The following MTHFD1 variants were observed in gnomAD, a reference collection of about 807,000 sequenced individuals.
MTHFD1 encodes C-1-tetrahydrofolate synthase, cytoplasmic.
Under a neutral mutation model 110.3 loss-of-function variants are expected in MTHFD1, and 44 were observed. The ratio of observed to expected loss-of-function variants is 0.40; its 90% CI spans 0.31 to 0.51. The LOEUF is 0.51. MTHFD1 is among the 20% of genes least tolerant of loss of function. The pLI is 0.60. For missense variants in MTHFD1, 909 were observed against 1,173.1 expected (o/e 0.77, Z 3.29); for synonymous variants, 402 against 428.8 (o/e 0.94, Z 0.77).
chr14:64,395,691 G>C (rs1242230273), intron 1 of MTHFD1, among the ~76,000 whole-genome samples: 1 of 152,152 alleles, frequency 6.6e-6, no homozygotes, highest in Non-Finnish European at 1.5e-5. Flanking sequence ...CTTTTGGGTT[G>C]TCATATGGGG....
At chr14:64,458,170 T>C in intron 26 of MTHFD1, 44 bp from the exon 27 acceptor site, 1 of 1,455,222 alleles carries the variant, frequency 6.9e-7, no homozygotes, top group South Asian at 1.1e-5. Context: ...CGTGAGCCAC[T>C]GTGCCCAGCA....
chr14:64,449,388 A>T (rs2078335312), intron 23 of MTHFD1, 57 bp from the exon 24 acceptor site: 1 of 1,587,610 alleles, frequency 6.3e-7, no homozygotes, highest in Non-Finnish European at 8.6e-7. Context: ...CAAAAAGAAG[A>T]CAATTCTGTC....
At chr14:64,456,720 C>T (rs2078480562) in intron 26 of MTHFD1, among the ~76,000 whole-genome samples, 2 of 152,184 alleles carry the variant, frequency 1.3e-5, no homozygotes, top group South Asian at 4.1e-4. Flanking sequence ...ACCTCTTACA[C>T]AATATAAGAA....
intron 26 of MTHFD1, among the ~76,000 whole-genome samples, chr14:64,455,526 A>G (rs1408051329): frequency 2.0e-5 from 3 of 152,216 alleles, no homozygotes; most frequent in African/African-American, 7.2e-5. Context: ...TTGGGCTGAC[A>G]TTGTTCCAAG....
At position 64,453,955 on chromosome 14, in the gene MTHFD1, T is replaced by TGCTTCACTTCTCTGGGTG. The variant is rs2078421856; in HGVS notation, c.2565+97_2565+114dup. 4 of 774,056 alleles carry TGCTTCACTTCTCTGGGTG rather than the reference T, an allele frequency of 5.2e-6. No homozygotes were observed. The East Asian group carries it at 1.1e-4, about 21-fold the overall frequency. The allele number at this position is 774,056 out of a possible 1,614,324, so 47.9% of individuals were successfully genotyped here. ...CCTCCCAGCCCTGCCAAGTACCCGT[T>TGCTTCACTTCTCTGGGTG]GCTTCACTTCTCTGGGTGGCAGCCT... On this transcript the variant is annotated intron_variant, in intron 25 of 27. Coordinates refer to ENST00000652337, the MANE Select transcript of MTHFD1 (RefSeq NM_005956.4).
intron 17 of MTHFD1, chr14:64,439,390 T>A (rs1417248252): frequency 1.7e-6 from 1 of 585,730 alleles, no homozygotes; most frequent in Non-Finnish European, 3.1e-6. Context: ...CCGGCATTTT[T>A]TCCTGGAGGT....
In MTHFD1 at chr14:64,459,975, T is replaced by C; in HGVS notation, c.*221T>C. ...TGCATGTCTGTTTACTTTAGTGACG[T>C]TCCACAGAATAAAAGGAAACAAGTT... On this transcript the variant is annotated 3_prime_UTR_variant, in exon 28 of 28. Transcript: ENST00000652337. 6.8e-7 allele frequency: 1 copy of C among 1,480,312 alleles called. No homozygotes were observed. The highest frequency in any genetic ancestry group is 9.1e-7 in the Non-Finnish European group (1 of 1,099,998). The allele number at this position is 1,480,312 out of a possible 1,614,324, so 91.7% of individuals were successfully genotyped here.
At chr14:64,446,745 T>G (rs1160985638) in intron 22 of MTHFD1, among the ~76,000 whole-genome samples, 1 of 152,172 alleles carries the variant, frequency 6.6e-6, no homozygotes, top group African/African-American at 2.4e-5. Context: ...GGTTTCACCG[T>G]GTTAGCCAGG....
At chr14:64,446,795 G>A (rs1407554978) in intron 22 of MTHFD1, among the ~76,000 whole-genome samples, 1 of 152,104 alleles carries the variant, frequency 6.6e-6, no homozygotes, top group Non-Finnish European at 1.5e-5. Context: ...ACCCGCCTCG[G>A]CCTCCCAAAG....
intron 8 of MTHFD1, among the ~76,000 whole-genome samples, chr14:64,420,377 A>G (rs1247706027): frequency 6.6e-6 from 1 of 152,154 alleles, no homozygotes; most frequent in Non-Finnish European, 1.5e-5. Flanking sequence ...CTAGGCTGAG[A>G]GGATAAATCT....
At chr14:64,444,904 A>C (rs1257319630) in intron 22 of MTHFD1, 170 bp downstream of exon 22, 5 of 704,252 alleles carry the variant, frequency 7.1e-6, no homozygotes, top group Middle Eastern at 3.5e-4. Flanking sequence ...TAGATAGGGA[A>C]GATGTACCTC....
intron 8 of MTHFD1, among the ~76,000 whole-genome samples, chr14:64,421,380 T>C (rs2078069304): frequency 6.6e-6 from 1 of 152,188 alleles, no homozygotes; most frequent in Non-Finnish European, 1.5e-5. Flanking sequence ...CCTTCCCATC[T>C]CAAGTTTCAG....
At position 64,458,600 on chromosome 14, in the gene MTHFD1, T is replaced by C. The variant is rs1303476045; in HGVS notation, c.*4+293T>C. 9.1e-6 allele frequency: 4 copies of C among 441,928 alleles called. No homozygotes were observed. In the Admixed American group the frequency reaches 1.4e-4, roughly 15 times the overall value. The allele number at this position is 441,928 out of a possible 1,614,324, so 27.4% of individuals were successfully genotyped here. A position where few individuals can be genotyped will look rare whatever the true frequency, so the allele number is the denominator to read the frequency against. ...CTACAGAGGAAACTACAGGAGAGGTTAGACTCCCTCTGCTGAAGCCCCAGG... is the reference window on the plus strand; with the variant it reads ...CTACAGAGGAAACTACAGGAGAGGTCAGACTCCCTCTGCTGAAGCCCCAGG... On this transcript the variant is annotated intron_variant, in intron 27 of 27. Transcript: ENST00000652337.
In MTHFD1 at chr14:64,409,439, A is replaced by C. The variant is rs574085982; in HGVS notation, c.127-1651A>C. On this transcript the variant is annotated intron_variant, in intron 2 of 27. Coordinates refer to ENST00000652337, the MANE Select transcript of MTHFD1 (RefSeq NM_005956.4). ...AAGTGATAAAACAATTTAATCTCAG[A>C]GTTAAGACTAAATAACTAGTGGTAG... is the stretch of plus-strand genomic sequence containing the variant. Among the ~76,000 whole-genome samples, 13 of 152,352 alleles carry C rather than the reference A, an allele frequency of 8.5e-5. No homozygotes were observed. The South Asian group carries it at 2.7e-3, about 32-fold the overall frequency.
At chr14:64,455,846 C>T (rs1303009643) in intron 26 of MTHFD1, among the ~76,000 whole-genome samples, 1 of 152,194 alleles carries the variant, frequency 6.6e-6, no homozygotes, top group Non-Finnish European at 1.5e-5. Context: ...CTGTAGGCAA[C>T]ATCATCACAT....
chr14:64,410,406 A>AT (rs1223034644), intron 2 of MTHFD1, among the ~76,000 whole-genome samples: 3 of 24,592 alleles, frequency 1.2e-4, no homozygotes, highest in African/African-American at 4.8e-4. Flanking sequence ...TTTTGTAAAG[A>AT]TGGGGGGGGG....
intron 27 of MTHFD1, 45 bp from the exon 28 acceptor site, chr14:64,459,714 A>G (rs1186739317): frequency 2.8e-5 from 24 of 849,042 alleles, no homozygotes; most frequent in Non-Finnish European, 3.6e-5. Flanking sequence ...GAAACATTTC[A>G]GTGCTTGCTT....
intron 2 of MTHFD1, among the ~76,000 whole-genome samples, chr14:64,403,733 A>G (rs1371703260): frequency 6.6e-6 from 1 of 151,344 alleles, no homozygotes; most frequent in East Asian, 1.9e-4. Flanking sequence ...TTTTGTAGAG[A>G]CGGTTTTTTG....
At chr14:64,435,792 C>T in intron 16 of MTHFD1, 121 bp downstream of exon 16, 2 of 723,472 alleles carry the variant, frequency 2.8e-6, no homozygotes, top group Middle Eastern at 2.3e-4. Context: ...CCAGCTAAGG[C>T]ATGACCAAGA....
Sources: gnomAD v4.1 joint callset for allele counts (sites outside exome capture counted in the v4.1 genomes callset) on GRCh38, gnomAD v4.1.1 for gene constraint, MANE v1.5 for transcripts, NCBI Gene and HGNC (gene_info 2026-07-23, HGNC 2026-07-21) for gene names.